The following CCDC63 variants were observed in gnomAD, a reference collection of about 807,000 sequenced individuals.
CCDC63 encodes the protein coiled-coil domain-containing protein 63.
Under a neutral mutation model 63.6 loss-of-function variants are expected in CCDC63, and 54 were observed. That is an observed-to-expected ratio of 0.85 (90% CI 0.68 to 1.07). The LOEUF is 1.07. Ranked by LOEUF, CCDC63 falls within the 50% of genes least tolerant of loss-of-function variation. The probability of loss-of-function intolerance (pLI) is 0.00; values close to 1 mark genes in which losing one functional copy is unlikely to be tolerated. For synonymous variants in CCDC63, 253 were observed against 266.1 expected (o/e 0.95, Z 0.48); for missense variants, 637 against 689.6 (o/e 0.92, Z 0.86).
At chr12:110,887,318 G>T (rs996318388) in intron 8 of CCDC63, among the ~76,000 whole-genome samples, 2 of 151,986 alleles carry the variant, frequency 1.3e-5, no homozygotes, top group African/African-American at 4.8e-5. Flanking sequence ...TAGAGACAAG[G>T]TTTCATCATG....
At chr12:110,871,026 G>A (rs991767081) in intron 4 of CCDC63, among the ~76,000 whole-genome samples, 6 of 152,180 alleles carry the variant, frequency 3.9e-5, no homozygotes, top group South Asian at 2.1e-4. Flanking sequence ...AAGCCCAGTG[G>A]CTTTGCCTCA....
At chr12:110,845,586 T>C (rs528688849), upstream of CCDC63, 1 of 152,344 alleles carries the variant, frequency 6.6e-6, no homozygotes, top group Non-Finnish European at 1.5e-5. Context: ...TGAATATTGA[T>C]GTTTCCTTGC....
intron 3 of CCDC63, among the ~76,000 whole-genome samples, chr12:110,855,528 A>G (rs1401867418): frequency 6.6e-6 from 1 of 152,160 alleles, no homozygotes; most frequent in African/African-American, 2.4e-5. Context: ...TTTCACTTTG[A>G]TGGAACTGAA....
Position 110,856,613 on chromosome 12 carries a change from G to A in CCDC63, c.180-1973G>A, listed in dbSNP as rs150015229. 1.1e-4 allele frequency among the ~76,000 whole-genome samples: 16 copies of A among 152,136 alleles called. No individual in the cohort carries two copies. The East Asian group carries it at 2.5e-3, about 24-fold the overall frequency. On this transcript the variant is annotated intron_variant, in intron 3 of 11. Coordinates refer to ENST00000308208, the MANE Select transcript of CCDC63 (RefSeq NM_152591.3). The stretch of plus-strand genomic sequence containing the variant: ...AATATTTAGTTCTGCTGAAATAGCC[G>A]CATTTCAAGTGCTCAACAATCACTT...
chr12:110,847,165 A>G (rs1405516737), intron 1 of CCDC63, 60 bp downstream of exon 1: 1 of 152,302 alleles, frequency 6.6e-6, no homozygotes, highest in Non-Finnish European at 1.5e-5. Context: ...TGCCAGGGAA[A>G]AGGAAAGAGC....
In CCDC63 at chr12:110,851,449, A is replaced by G. The variant is rs192710371; in HGVS notation, c.-96-1410A>G. 1.7e-3 allele frequency among the ~76,000 whole-genome samples: 266 copies of G among 152,148 alleles called. 1 individual carries two copies. Among genetic ancestry groups the G allele is most frequent in the South Asian group, 5.4e-3 (26 of 4,814 alleles). On this transcript the variant is annotated intron_variant, in intron 1 of 11. Coordinates refer to ENST00000308208, the MANE Select transcript of CCDC63 (RefSeq NM_152591.3). ...TCTTGAGTGTTCCAGCTTAAATTCC[A>G]CCATTCACTCTGGTTGGACTAGCTA...
At position 110,904,661 on chromosome 12, in the gene CCDC63, A is replaced by G. The variant is rs2076554735; in HGVS notation, c.1416A>G (p.Ala472=). 6.2e-7 allele frequency: 1 copy of G among 1,613,990 alleles called. No homozygotes were observed. The highest frequency in any genetic ancestry group is 8.5e-7 in the Non-Finnish European group (1 of 1,180,012). ...GGCGCATCCTGGAAGTGGAAGGGGC[A>G]GAGGCTGAGATCCCGCCACCCTTCA... ...TYRRILEVEG[A]EAEIPPPFIN... The change falls in exon 11 of 12, where the codon GCA becomes GCG. Residue 472 remains alanine, a synonymous_variant. Coordinates refer to ENST00000308208, the MANE Select transcript of CCDC63 (RefSeq NM_152591.3).
intron 4 of CCDC63, among the ~76,000 whole-genome samples, chr12:110,860,794 G>T (rs2136656683): frequency 6.6e-6 from 1 of 152,268 alleles, no homozygotes; most frequent in East Asian, 1.9e-4. Context: ...TCACCATGTT[G>T]CCCAGGCTGG....
chr12:110,888,127 C>CA (rs2071308439), intron 8 of CCDC63, among the ~76,000 whole-genome samples: 2 of 152,118 alleles, frequency 1.3e-5, no homozygotes, highest in Admixed American at 1.3e-4. Flanking sequence ...TGAAGTGCTC[C>CA]AGGGCCCGCA....
Position 110,873,962 on chromosome 12 carries a change from G to T in CCDC63, c.489+1G>T. ...CATTTTGGAAACCCGTTTGAATCTC[G>T]TATGTAAAGTGTTCTCTGCAGCTCT... On this transcript the variant is annotated splice_donor_variant, in intron 5 of 11. Coordinates refer to ENST00000308208, the MANE Select transcript of CCDC63 (RefSeq NM_152591.3). LOFTEE classifies it high-confidence loss of function. The T allele has an allele frequency of 6.2e-7, 1 of 1,609,858 alleles. No homozygotes were observed. The highest frequency in any genetic ancestry group is 8.5e-7 in the Non-Finnish European group (1 of 1,178,542).
chr12:110,859,802 C>T (rs954440401), intron 4 of CCDC63, among the ~76,000 whole-genome samples: 4 of 152,156 alleles, frequency 2.6e-5, no homozygotes, highest in Non-Finnish European at 4.4e-5. Flanking sequence ...TGCAGGACAA[C>T]ATTAATGGTC....
intron 9 of CCDC63, among the ~76,000 whole-genome samples, chr12:110,897,279 A>T (rs933090952): frequency 4.1e-4 from 44 of 106,212 alleles, no homozygotes; most frequent in African/African-American, 1.7e-3. Context: ...TAATTTTATT[A>T]AAAAAAAAAA....
At chr12:110,855,263 C>G (rs1032866525) in intron 3 of CCDC63, among the ~76,000 whole-genome samples, 2 of 152,258 alleles carry the variant, frequency 1.3e-5, no homozygotes, top group South Asian at 4.1e-4. Context: ...AAGAAAGTGT[C>G]TCCCAGAAAA....
intron 8 of CCDC63, among the ~76,000 whole-genome samples, chr12:110,886,995 G>A (rs1313009295): frequency 6.6e-6 from 1 of 152,144 alleles, no homozygotes; most frequent in Admixed American, 6.5e-5. Flanking sequence ...AGGTGCTCTG[G>A]TTCTCAGTCT....
upstream of CCDC63, chr12:110,846,743 T>C (rs2070641780): frequency 6.6e-6 from 1 of 152,138 alleles, no homozygotes; most frequent in Non-Finnish European, 1.5e-5. Context: ...GCTAAGACTG[T>C]TGATTGACTC....
intron 8 of CCDC63, among the ~76,000 whole-genome samples, chr12:110,891,351 CAAAA>C (rs200368048): frequency 2.0e-5 from 3 of 150,670 alleles, no homozygotes; most frequent in Non-Finnish European, 1.5e-5. Flanking sequence ...AACCAAAAAA[CAAAA>C]AAAATGCATT....
At chr12:110,897,030 A>G (rs1302370121) in intron 9 of CCDC63, among the ~76,000 whole-genome samples, 1 of 152,206 alleles carries the variant, frequency 6.6e-6, no homozygotes, top group African/African-American at 2.4e-5. Context: ...GGCTAGGGCA[A>G]TGTGTTTTAA....
chr12:110,903,632 T>C (rs1359683217), intron 10 of CCDC63, among the ~76,000 whole-genome samples: 1 of 152,204 alleles, frequency 6.6e-6, no homozygotes, highest in Non-Finnish European at 1.5e-5. Context: ...AATGAATGAA[T>C]GAATGAGTGA....
chr12:110,901,516 T>C (rs2071487249), intron 10 of CCDC63, among the ~76,000 whole-genome samples: 1 of 151,328 alleles, frequency 6.6e-6, no homozygotes, highest in Non-Finnish European at 1.5e-5. Context: ...GCAGGAGCCA[T>C]TGTGCCCAGT....
Sources: allele counts gnomAD v4.1 joint callset (sites outside exome capture counted in the v4.1 genomes callset), GRCh38; gene constraint gnomAD v4.1.1; transcripts MANE v1.5; gene names NCBI Gene and HGNC (gene_info 2026-07-23, HGNC 2026-07-21).